The following HS6ST3 variants were observed in gnomAD, a reference collection of about 807,000 sequenced individuals.
The protein encoded by HS6ST3 is heparan sulfate 6-O-sulfotransferase 3, also known as heparan-sulfate 6-O-sulfotransferase 3.
In HS6ST3, 12 loss-of-function variants were observed where a neutral mutation model predicts 36.7. The ratio of observed to expected loss-of-function variants is 0.33; its 90% CI spans 0.21 to 0.53. The LOEUF is 0.53. HS6ST3 is among the 20% of genes least tolerant of loss of function. The pLI, the probability that HS6ST3 is intolerant of heterozygous loss-of-function variation, is 0.95. For missense variants in HS6ST3, 584 were observed against 640.9 expected (o/e 0.91, Z 0.96); for synonymous variants, 240 against 257.5 (o/e 0.93, Z 0.65).
intron 1 of HS6ST3, among the ~76,000 whole-genome samples, chr13:96,378,606 G>T (rs1051663389): frequency 6.6e-6 from 1 of 152,110 alleles, no homozygotes; most frequent in African/African-American, 2.4e-5. Context: ...ACGACTGAGT[G>T]GGCCAAACAC....
chr13:96,610,204 T>C (rs1566410546), intron 1 of HS6ST3, among the ~76,000 whole-genome samples: 1 of 152,218 alleles, frequency 6.6e-6, no homozygotes, highest in Non-Finnish European at 1.5e-5. Flanking sequence ...CATTTCAAGG[T>C]AGAATTAGCT....
At chr13:96,163,509 G>T (rs4773937) in intron 1 of HS6ST3, among the ~76,000 whole-genome samples, 2 of 152,088 alleles carry the variant, frequency 1.3e-5, no homozygotes, top group Non-Finnish European at 2.9e-5. Flanking sequence ...GATTACAGGC[G>T]TGAGCCACTG....
intron 1 of HS6ST3, among the ~76,000 whole-genome samples, chr13:96,260,858 G>A (rs1035216311): frequency 6.6e-6 from 1 of 151,618 alleles, no homozygotes; most frequent in African/African-American, 2.4e-5. Flanking sequence ...CAGGCTGGTC[G>A]CGAACTTCTG....
intron 1 of HS6ST3, among the ~76,000 whole-genome samples, chr13:96,823,572 T>A (rs966592866): frequency 6.6e-6 from 1 of 152,132 alleles, no homozygotes; most frequent in Non-Finnish European, 1.5e-5. Flanking sequence ...ATATATATAT[T>A]TAACTGTGCC....
chr13:96,400,903 G>C (rs2055447974), intron 1 of HS6ST3, among the ~76,000 whole-genome samples: 1 of 152,044 alleles, frequency 6.6e-6, no homozygotes, highest in African/African-American at 2.4e-5. Flanking sequence ...TCCAGACTCA[G>C]AGTGTTAATT....
chr13:96,141,072 AG>A (rs1228330433), intron 1 of HS6ST3, among the ~76,000 whole-genome samples: 2 of 152,206 alleles, frequency 1.3e-5, no homozygotes, highest in Admixed American at 6.5e-5. Context: ...TCTGGACAAA[AG>A]AATGTCACAA....
intron 1 of HS6ST3, among the ~76,000 whole-genome samples, chr13:96,201,919 C>G (rs144473240): frequency 6.6e-6 from 1 of 152,082 alleles, no homozygotes; most frequent in Non-Finnish European, 1.5e-5. Context: ...GTGGCAAATA[C>G]TGGTTGCTTG....
At chr13:96,654,466 A>C (rs2056617975) in intron 1 of HS6ST3, among the ~76,000 whole-genome samples, 1 of 152,172 alleles carries the variant, frequency 6.6e-6, no homozygotes, top group South Asian at 2.1e-4. Flanking sequence ...TAAACAGGGA[A>C]TCCTTTCCCC....
chr13:96,793,323 G>A (rs769047445), intron 1 of HS6ST3, among the ~76,000 whole-genome samples: 2 of 152,002 alleles, frequency 1.3e-5, no homozygotes, highest in Non-Finnish European at 2.9e-5. Flanking sequence ...TTTGATTGGA[G>A]AGGTTCTCCT....
chr13:96,817,039 G>A (rs1878435595), intron 1 of HS6ST3, among the ~76,000 whole-genome samples: 1 of 152,078 alleles, frequency 6.6e-6, no homozygotes, highest in Non-Finnish European at 1.5e-5. Context: ...TGTGGTTCAG[G>A]CTGTAAACAC....
chr13:96,555,630 G>A (rs1229176060), intron 1 of HS6ST3, among the ~76,000 whole-genome samples: 1 of 152,076 alleles, frequency 6.6e-6, no homozygotes, highest in Non-Finnish European at 1.5e-5. Flanking sequence ...TTTATATTAT[G>A]TATGAATTAC....
Position 96,816,518 on chromosome 13 carries a change from A to G in HS6ST3, c.708-15972A>G, listed in dbSNP as rs540881637. ...CCTTCCTGAGCCAGGGATTTGTTTA[A>G]CAACAGTGATTCATAATTTCAACAA... On this transcript the variant is annotated intron_variant, in intron 1 of 1. Transcript: ENST00000376705. 9.2e-5 allele frequency among the ~76,000 whole-genome samples: 14 copies of G among 152,338 alleles called. 2 individuals carry two copies. In the South Asian group the frequency reaches 2.9e-3, roughly 32 times the overall value.
chr13:96,107,040 C>T (rs969278380), intron 1 of HS6ST3, among the ~76,000 whole-genome samples: 2 of 152,132 alleles, frequency 1.3e-5, no homozygotes, highest in Non-Finnish European at 2.9e-5. Context: ...GAGTTTTACC[C>T]AGTGAGTAGC....
chr13:96,571,984 G>C (rs575750655), intron 1 of HS6ST3, among the ~76,000 whole-genome samples: 1 of 152,310 alleles, frequency 6.6e-6, no homozygotes, highest in South Asian at 2.1e-4. Context: ...CATAGAAATA[G>C]AGACCTTGGC....
intron 1 of HS6ST3, among the ~76,000 whole-genome samples, chr13:96,708,348 A>G (rs929926408): frequency 7.2e-5 from 11 of 152,230 alleles, no homozygotes; most frequent in African/African-American, 2.7e-4. Context: ...AGCATATAAG[A>G]TGGAATTCTT....
chr13:96,099,744 A>G (rs1054085500), intron 1 of HS6ST3, among the ~76,000 whole-genome samples: 2 of 152,236 alleles, frequency 1.3e-5, no homozygotes, highest in Non-Finnish European at 2.9e-5. Context: ...ATAAATGCTA[A>G]TCACCTCGAT....
In HS6ST3 at chr13:96,470,946, A is replaced by AT. The variant is rs1433206647; in HGVS notation, c.708-361544_708-361543insT. Among the ~76,000 whole-genome samples the AT allele has an allele frequency of 1.1e-3, 162 of 152,152 alleles. 2 individuals carry two copies. The highest frequency in any genetic ancestry group is 3.8e-3 in the African/African-American group (158 of 41,498). ...AGTCTGGGAAAGAAATAGCATCTGT[A>AT]ATTTTTTTGTCATAACCCAGGAACT... On this transcript the variant is annotated intron_variant, in intron 1 of 1. Transcript: ENST00000376705.
intron 1 of HS6ST3, among the ~76,000 whole-genome samples, chr13:96,163,472 G>A (rs955932422): frequency 6.6e-6 from 1 of 151,730 alleles, no homozygotes; most frequent in East Asian, 1.9e-4. Context: ...CTCGTGATCC[G>A]CCCGCCTTGA....
rs1470727498 is a variant in HS6ST3 at position 96,381,414 on chromosome 13, C to CTATG, written c.707+289848_707+289849insGTAT. Among the ~76,000 whole-genome samples the CTATG allele has an allele frequency of 1.8e-3, 68 of 36,970 alleles. 1 individual carries two copies. Among genetic ancestry groups the CTATG allele is most frequent in the African/African-American group, 0.01 (56 of 5,442 alleles). The allele number at this position is 36,970 out of a possible 152,430, so 24.3% of individuals were successfully genotyped here. Reference sequence around the variant, plus strand: ...TCTATGTATCTATGTATCTATGTATCTATCTATCTATCTATCTATCTATCA... The same window carrying CTATG: ...TCTATGTATCTATGTATCTATGTATCTATGTATCTATCTATCTATCTATCTATCA... On this transcript the variant is annotated intron_variant, in intron 1 of 1. Coordinates refer to ENST00000376705, the MANE Select transcript of HS6ST3 (RefSeq NM_153456.4).
Sources: allele counts gnomAD v4.1 joint callset (sites outside exome capture counted in the v4.1 genomes callset), GRCh38; gene constraint gnomAD v4.1.1; transcripts MANE v1.5; gene names NCBI Gene and HGNC (gene_info 2026-07-23, HGNC 2026-07-21).